Variants in LLGL2 observed in about 807,000 individuals in gnomAD.
LLGL2 encodes LLGL scribble cell polarity complex component 2.
LLGL2 carries 81 observed loss-of-function variants against 123.2 expected under a neutral mutation model. The ratio of observed to expected loss-of-function variants is 0.66; its 90% CI spans 0.55 to 0.79. The LOEUF is 0.79. LLGL2 is among the 30% of genes least tolerant of loss of function. The probability of loss-of-function intolerance (pLI) is 0.00; values close to 1 mark genes in which losing one functional copy is unlikely to be tolerated. For missense variants in LLGL2, 1,273 were observed against 1,414.6 expected (o/e 0.90, Z 1.61); for synonymous variants, 577 against 594.1 (o/e 0.97, Z 0.42).
At position 75,573,088 on chromosome 17, in the gene LLGL2, G is replaced by C; in HGVS notation, c.2535G>C (p.Arg845=). The C allele has an allele frequency of 6.2e-7, 1 of 1,612,864 alleles. No individual in the cohort carries two copies. Among genetic ancestry groups the C allele is most frequent in the Non-Finnish European group, 8.5e-7 (1 of 1,179,932 alleles). Residue 845 remains arginine, a synonymous_variant, in exon 20 of 26, where the codon CGG becomes CGC. Transcript: ENST00000392550. The part of the protein sequence containing the change: ...LTALEGSRVR[R]VSVAHFGSRR... ...CCCTGGAGGGCTCAAGAGTGCGGCG[G>C]GTCAGCGTGGCCCACTTCGGCAGTC...
intron 2 of LLGL2, among the ~76,000 whole-genome samples, chr17:75,546,956 T>TGC (rs1311448022): frequency 2.0e-5 from 3 of 151,736 alleles, no homozygotes; most frequent in African/African-American, 7.3e-5. Flanking sequence ...ACAGTGTTCA[T>TGC]GCTGGCAACT....
Position 75,567,063 on chromosome 17 carries a change from C to T in LLGL2, c.1037-1413C>T, listed in dbSNP as rs553601201. On this transcript the variant is annotated intron_variant, in intron 10 of 25. Transcript: ENST00000392550. ...AAGCCATGGGACAGCTGAGCCCGGG[C>T]ACCCTCAAGCCTTGGAGGCATGAAG... Among the ~76,000 whole-genome samples the T allele has an allele frequency of 5.1e-4, 78 of 152,304 alleles. No homozygotes were observed. The South Asian group carries it at 6.0e-3, about 12-fold the overall frequency.
rs376055189 is a variant in LLGL2 at position 75,573,130 on chromosome 17, C to T, written c.2577C>T (p.Tyr859=). ...TCGGCAGTCGTCGAGCCGAGGACTA[C>T]GGGGAGCACCACCTGGCAGTCCTTA... is the stretch of plus-strand genomic sequence containing the variant. The part of the protein sequence containing the change: ...AHFGSRRAED[Y]GEHHLAVLTN... Residue 859 remains tyrosine (Y), a synonymous_variant, in exon 20 of 26, where the codon TAC becomes TAT. Transcript: ENST00000392550. The T allele has an allele frequency of 1.4e-4, 228 of 1,612,900 alleles. No individual in the cohort carries two copies. The highest frequency in any genetic ancestry group is 9.9e-4 in the Middle Eastern group (6 of 6,078).
chr17:75,568,135 G>T (rs1341964175), intron 10 of LLGL2: 4 of 1,216,780 alleles, frequency 3.3e-6, no homozygotes, highest in Non-Finnish European at 4.1e-6. Context: ...GTGCATCTGA[G>T]CAGGGAGAGC....
chr17:75,550,460 G>A lies in LLGL2; in HGVS notation c.76-5586G>A, dbSNP rs143411901. Among the ~76,000 whole-genome samples the A allele has an allele frequency of 7.0e-3, 822 of 117,460 alleles. 10 individuals are homozygous for A. Among genetic ancestry groups the A allele is most frequent in the African/African-American group, 0.024 (771 of 31,810 alleles). The allele number at this position is 117,460 out of a possible 152,430, so 77.1% of individuals were successfully genotyped here. ...CAAGGCTGGTAGGAGTTGGGGGTGG[G>A]ATCCAAGGGGGTGGGAAGGGCACCA... On this transcript the variant is annotated intron_variant, in intron 2 of 25. Transcript: ENST00000392550.
intron 2 of LLGL2, among the ~76,000 whole-genome samples, chr17:75,552,669 A>G (rs901000957): frequency 1.3e-5 from 2 of 152,170 alleles, no homozygotes; most frequent in African/African-American, 2.4e-5. Flanking sequence ...CTAGATCTGT[A>G]TTTAGAATTT....
intron 1 of LLGL2, among the ~76,000 whole-genome samples, chr17:75,532,055 T>TATATACACACACACAC (rs1555648011): frequency 3.4e-4 from 32 of 93,768 alleles, no homozygotes; most frequent in African/African-American, 9.1e-4. Flanking sequence ...TATGTATATA[T>TATATACACACACACAC]ACACACACAC....
chr17:75,533,442 C>T (rs561512908), intron 1 of LLGL2, among the ~76,000 whole-genome samples: 5 of 151,292 alleles, frequency 3.3e-5, no homozygotes, highest in Non-Finnish European at 5.9e-5. Context: ...GTAGCTGGGA[C>T]TACAGGCGCC....
At position 75,559,752 on chromosome 17, in the gene LLGL2, C is replaced by T. The variant is rs1176582697; in HGVS notation, c.530+342C>T. Reference sequence around the variant, plus strand: ...AGCGGGGAAGTCGGGCCCAGACCTCCCTGTGTCACTGGGGCAGCTCCTGGT... The same window carrying T: ...AGCGGGGAAGTCGGGCCCAGACCTCTCTGTGTCACTGGGGCAGCTCCTGGT... On this transcript the variant is annotated intron_variant, in intron 6 of 25. Transcript: ENST00000392550. The surrounding 1 kb of genome is among the most constrained non-coding windows in gnomAD (Gnocchi z 4.6). Among the ~76,000 whole-genome samples, 1 of 152,198 alleles carries T rather than the reference C, an allele frequency of 6.6e-6. No individual in the cohort carries two copies. The highest frequency in any genetic ancestry group is 1.9e-4 in the East Asian group (1 of 5,190).
intron 2 of LLGL2, among the ~76,000 whole-genome samples, chr17:75,547,428 G>A (rs2054478793): frequency 6.6e-6 from 1 of 152,232 alleles, no homozygotes; most frequent in East Asian, 1.9e-4. Flanking sequence ...GCATTACTTA[G>A]CCTCTCTGTT....
intron 3 of LLGL2, among the ~76,000 whole-genome samples, chr17:75,557,470 C>T (rs972366929): frequency 3.3e-5 from 5 of 152,190 alleles, no homozygotes; most frequent in South Asian, 2.1e-4. Flanking sequence ...GATGAAAAAC[C>T]GGATCAGGTT....
At position 75,537,455 on chromosome 17, in the gene LLGL2, G is replaced by GCCCA. The variant is rs1190115746; in HGVS notation, c.-30-5942_-30-5941insCCCA. On this transcript the variant is annotated intron_variant, in intron 1 of 25. Coordinates refer to ENST00000392550, the MANE Select transcript of LLGL2 (RefSeq NM_001031803.2). ...ACGCCTATAATCCTAGCACTTTGTG[G>GCCCA]GGCCGAGGTGGGCAGATCACTTGAG... Among the ~76,000 whole-genome samples the GCCCA allele has an allele frequency of 3.2e-3, 488 of 152,192 alleles. 3 individuals are homozygous for GCCCA. Among genetic ancestry groups the GCCCA allele is most frequent in the African/African-American group, 0.011 (470 of 41,526 alleles).
In LLGL2 at chr17:75,570,564, G is replaced by A. The variant is rs1019640704; in HGVS notation, c.2025+66G>A. The A allele has an allele frequency of 4.0e-6, 6 of 1,515,482 alleles. No individual in the cohort carries two copies. The African/African-American group carries it at 8.3e-5, about 21-fold the overall frequency. 93.9% of individuals were successfully genotyped at this position (1,515,482 alleles called of 1,614,324 possible). The stretch of plus-strand genomic sequence containing the variant: ...GTTCGGCTCAGAGCAGCCAGCAGGG[G>A]GGCCACACGGCCCCTGCTCCCCAGG... On this transcript the variant is annotated intron_variant, in intron 16 of 25. Coordinates refer to ENST00000392550, the MANE Select transcript of LLGL2 (RefSeq NM_001031803.2).
chr17:75,555,997 C>T lies in LLGL2; in HGVS notation c.76-49C>T, dbSNP rs772381661. 15 of 1,434,954 alleles carry T rather than the reference C, an allele frequency of 1.0e-5. No individual in the cohort carries two copies. The African/African-American group carries it at 1.1e-4, about 11-fold the overall frequency. The allele number at this position is 1,434,954 out of a possible 1,614,324, so 88.9% of individuals were successfully genotyped here. ...GCTGCAGCTGCAGCAGCCATGGTGG[C>T]GCGAAGGGGACAGGTCTGCAGGCCC... On this transcript the variant is annotated intron_variant, in intron 2 of 25. Coordinates refer to ENST00000392550, the MANE Select transcript of LLGL2 (RefSeq NM_001031803.2).
chr17:75,550,200 G>A (rs780155197), intron 2 of LLGL2, among the ~76,000 whole-genome samples: 12 of 152,242 alleles, frequency 7.9e-5, no homozygotes, highest in Non-Finnish European at 1.5e-4. Context: ...GCTATGCCCC[G>A]TCCCGCCCTC....
chr17:75,562,384 G>T lies in LLGL2; in HGVS notation c.531-632G>T, dbSNP rs11077794. 1,717 of 153,656 alleles carry T rather than the reference G, an allele frequency of 0.011. 52 individuals are homozygous for T. In the East Asian group the frequency reaches 0.12, roughly 10 times the overall value. The allele number at this position is 153,656 out of a possible 1,614,324, so 9.5% of individuals were successfully genotyped here. On this transcript the variant is annotated intron_variant, in intron 6 of 25. Coordinates refer to ENST00000392550, the MANE Select transcript of LLGL2 (RefSeq NM_001031803.2). ...TAGAAATAGAACTTTGATGCCCTCC[G>T]GAGGTCTTATGCACCCTTCCTAGTC... is the stretch of plus-strand genomic sequence containing the variant.
chr17:75,566,401 T>G (rs1175646418), intron 10 of LLGL2, among the ~76,000 whole-genome samples: 1 of 152,192 alleles, frequency 6.6e-6, no homozygotes, highest in East Asian at 1.9e-4. Context: ...CAGCTTGGGC[T>G]GCGGTGCAGG....
At chr17:75,539,035 G>A (rs2054110939) in intron 1 of LLGL2, among the ~76,000 whole-genome samples, 2 of 152,102 alleles carry the variant, frequency 1.3e-5, no homozygotes, top group Non-Finnish European at 2.9e-5. Flanking sequence ...TGGGACCACA[G>A]GTGCTTGACA....
intron 1 of LLGL2, among the ~76,000 whole-genome samples, chr17:75,540,210 A>G (rs939575478): frequency 1.3e-5 from 2 of 152,228 alleles, no homozygotes; most frequent in Admixed American, 6.5e-5. Flanking sequence ...GGATCTGTTC[A>G]TACCAGGCGT....
Sources: allele counts gnomAD v4.1 joint callset (sites outside exome capture counted in the v4.1 genomes callset), GRCh38; gene constraint gnomAD v4.1.1; non-coding constraint Gnocchi (gnomAD v3.1); transcripts MANE v1.5; gene names NCBI Gene and HGNC (gene_info 2026-07-23, HGNC 2026-07-21).